CSMD1: variants seen among roughly 807,000 people sequenced by gnomAD.
CSMD1 encodes the protein CUB and sushi domain-containing protein 1.
Under a neutral mutation model 417.5 loss-of-function variants are expected in CSMD1, and 213 were observed. The observed-to-expected ratio is 0.51, with a 90% CI of 0.46 to 0.57. CSMD1 has a LOEUF of 0.57. Ranked by LOEUF, CSMD1 falls within the 20% of genes least tolerant of loss-of-function variation. The pLI is 0.00. For synonymous variants in CSMD1, 2,862 were observed against 1,736.8 expected, an observed-to-expected ratio of 1.65 and a Z score of -16.11; for missense variants, 6,923 against 4,529.7, an observed-to-expected ratio of 1.53 and a Z score of -15.17.
intron 2 of CSMD1, among the ~76,000 whole-genome samples, chr8:4,446,520 C>T (rs1397407875): frequency 2.0e-5 from 3 of 152,156 alleles, no homozygotes; most frequent in Admixed American, 2.0e-4. Flanking sequence ...GCACTCCAGC[C>T]TGGGCAGCAG....
chr8:3,794,014 C>T (rs1049006086), intron 5 of CSMD1, among the ~76,000 whole-genome samples: 15 of 152,130 alleles, frequency 9.9e-5, no homozygotes, highest in Non-Finnish European at 2.1e-4. Flanking sequence ...TTATCCCACG[C>T]GTAGACAGAC....
chr8:4,792,322 T>G (rs1247092596), intron 1 of CSMD1, among the ~76,000 whole-genome samples: 1 of 152,170 alleles, frequency 6.6e-6, no homozygotes, highest in Non-Finnish European at 1.5e-5. Context: ...CTAAAATTCT[T>G]AAAGTAGTCC....
chr8:4,024,640 A>G (rs560616644), intron 4 of CSMD1, among the ~76,000 whole-genome samples: 21 of 152,286 alleles, frequency 1.4e-4, no homozygotes, highest in African/African-American at 5.1e-4. Flanking sequence ...AGGATCTTGC[A>G]TTTATGGGCC....
intron 11 of CSMD1, among the ~76,000 whole-genome samples, chr8:3,476,508 C>T (rs71521865): frequency 6.6e-6 from 1 of 152,104 alleles, no homozygotes; most frequent in Non-Finnish European, 1.5e-5. Context: ...TATGAAACTA[C>T]CAACCTATCT....
intron 7 of CSMD1, among the ~76,000 whole-genome samples, chr8:3,645,204 A>T (rs1797517251): frequency 6.6e-6 from 1 of 152,178 alleles, no homozygotes; most frequent in Admixed American, 6.5e-5. Context: ...GCCATGCAAG[A>T]AACCAATGCA....
At chr8:4,319,138 C>CA (rs1277747971) in intron 3 of CSMD1, among the ~76,000 whole-genome samples, 4 of 152,186 alleles carry the variant, frequency 2.6e-5, no homozygotes, top group African/African-American at 9.6e-5. Context: ...CAGATTAAAT[C>CA]AAAATTGGGA....
chr8:3,660,645 T>G (rs549935537), intron 7 of CSMD1, among the ~76,000 whole-genome samples: 1 of 151,352 alleles, frequency 6.6e-6, no homozygotes, highest in African/African-American at 2.4e-5. Context: ...CTCAGCCTCC[T>G]GAGTAGCTGG....
At chr8:4,690,792 G>A (rs758135267) in intron 1 of CSMD1, among the ~76,000 whole-genome samples, 44 of 152,204 alleles carry the variant, frequency 2.9e-4, no homozygotes, top group African/African-American at 9.2e-4. Flanking sequence ...TCACTGGTGC[G>A]ATCTCGGCTC....
intron 2 of CSMD1, among the ~76,000 whole-genome samples, chr8:4,615,011 G>A (rs1165649453): frequency 6.6e-6 from 1 of 152,114 alleles, no homozygotes; most frequent in Non-Finnish European, 1.5e-5. Context: ...ATCAGAATTG[G>A]TGGACGCTAA....
chr8:3,866,161 T>C (rs1805086478), intron 5 of CSMD1, among the ~76,000 whole-genome samples: 2 of 152,214 alleles, frequency 1.3e-5, no homozygotes, highest in Admixed American at 6.5e-5. Flanking sequence ...CATTAAGGTT[T>C]TAATTCACAA....
intron 2 of CSMD1, among the ~76,000 whole-genome samples, chr8:4,607,844 T>A (rs1165460207): frequency 6.6e-6 from 1 of 152,202 alleles, no homozygotes; most frequent in Non-Finnish European, 1.5e-5. Context: ...TTTCACTATT[T>A]TCTGAATCTT....
intron 10 of CSMD1, among the ~76,000 whole-genome samples, chr8:3,548,350 T>G (rs78718181): frequency 0.052 from 7,936 of 152,118 alleles, 597 homozygotes; most frequent in African/African-American, 0.17. Flanking sequence ...GGTTACGTGA[T>G]CGAGTTCTTC....
chr8:3,529,834 C>G (rs1261742367), intron 10 of CSMD1, among the ~76,000 whole-genome samples: 1 of 152,158 alleles, frequency 6.6e-6, no homozygotes, highest in African/African-American at 2.4e-5. Flanking sequence ...GATCTGTAAG[C>G]CTACATTTTC....
At chr8:3,610,995 C>T (rs931099824) in intron 8 of CSMD1, among the ~76,000 whole-genome samples, 2 of 148,408 alleles carry the variant, frequency 1.3e-5, no homozygotes, top group East Asian at 2.0e-4. Context: ...TTAAACCAAA[C>T]ACCGCATGTT....
chr8:4,053,363 T>C (rs1173114402), intron 3 of CSMD1, among the ~76,000 whole-genome samples: 3 of 152,020 alleles, frequency 2.0e-5, no homozygotes, highest in Non-Finnish European at 4.4e-5. Flanking sequence ...TTATTCTAAA[T>C]TCTCTACAGA....
chr8:4,935,698 T>G (rs1244471470), intron 1 of CSMD1, among the ~76,000 whole-genome samples: 1 of 152,192 alleles, frequency 6.6e-6, no homozygotes, highest in African/African-American at 2.4e-5. Context: ...TTAGTTCTTG[T>G]TAGGATTGAG....
intron 54 of CSMD1, among the ~76,000 whole-genome samples, chr8:2,997,777 T>C (rs1028086680): frequency 9.9e-5 from 15 of 152,158 alleles, no homozygotes; most frequent in Admixed American, 3.9e-4. Context: ...AGATGAGTTA[T>C]CTTTAAGGGA....
intron 5 of CSMD1, among the ~76,000 whole-genome samples, chr8:3,956,547 T>TTATCAAATACTTAATATG (rs1811961272): frequency 6.6e-6 from 1 of 152,236 alleles, no homozygotes; most frequent in African/African-American, 2.4e-5. Flanking sequence ...TGGCTACTTT[T>TTATCAAATACTTAATATG]TATCAAATAC....
chr8:4,696,433 C>G (rs543868054), intron 1 of CSMD1, among the ~76,000 whole-genome samples: 1 of 152,242 alleles, frequency 6.6e-6, no homozygotes, highest in African/African-American at 2.4e-5. Flanking sequence ...TCCTATTTCT[C>G]TAAATCAGAG....
Sources: gnomAD v4.1 joint callset for allele counts (sites outside exome capture counted in the v4.1 genomes callset) on GRCh38, gnomAD v4.1.1 for gene constraint, MANE v1.5 for transcripts, NCBI Gene and HGNC (gene_info 2026-07-23, HGNC 2026-07-21) for gene names.